The following DIAPH2 variants were observed in gnomAD, a reference collection of about 807,000 sequenced individuals.
DIAPH2 encodes diaphanous related formin 2.
Under a neutral mutation model 92.7 loss-of-function variants are expected in DIAPH2, and 35 were observed. That is an observed-to-expected ratio of 0.38 (90% CI 0.29 to 0.50). The LOEUF (loss-of-function observed/expected upper bound fraction) is 0.50, where lower values mean the gene tolerates loss of function less well. Ranked by LOEUF, DIAPH2 falls within the 20% of genes least tolerant of loss-of-function variation. The probability of loss-of-function intolerance (pLI) is 0.94; values close to 1 mark genes in which losing one functional copy is unlikely to be tolerated. For synonymous variants in DIAPH2, 301 were observed against 280.4 expected (o/e 1.07, Z -0.73); for missense variants, 701 against 819.5 (o/e 0.86, Z 1.77).
intron 25 of DIAPH2, among the ~76,000 whole-genome samples, chrX:97,417,300 A>G (rs2069957166): frequency 9.0e-6 from 1 of 110,906 alleles, no homozygotes; most frequent in Admixed American, 9.6e-5. Flanking sequence ...ACACTCCTCA[A>G]TTTGAAAAGG....
chrX:97,412,832 C>T (rs1432287798), intron 25 of DIAPH2, among the ~76,000 whole-genome samples: 1 of 112,045 alleles, frequency 8.9e-6, no homozygotes, highest in Non-Finnish European at 1.9e-5. Flanking sequence ...TGGACACATA[C>T]ACCATCCCAA....
intron 25 of DIAPH2, among the ~76,000 whole-genome samples, chrX:97,384,852 C>T (rs956614203): frequency 1.9e-5 from 2 of 108,033 alleles, no homozygotes; most frequent in Non-Finnish European, 3.8e-5. Flanking sequence ...GGCAACAGAG[C>T]GAGACTGTAT....
intron 22 of DIAPH2, among the ~76,000 whole-genome samples, chrX:97,145,936 C>T (rs189506149): frequency 9.3e-6 from 1 of 107,156 alleles, no homozygotes; most frequent in East Asian, 2.9e-4. Context: ...ATTTCACCTG[C>T]CCTGTACTCT....
chrX:97,204,272 A>G (rs1252293401), intron 22 of DIAPH2, among the ~76,000 whole-genome samples: 1 of 111,993 alleles, frequency 8.9e-6, no homozygotes. Flanking sequence ...CAAGACAAGG[A>G]TGGCCTCTCT....
intron 4 of DIAPH2, among the ~76,000 whole-genome samples, chrX:96,813,930 A>G (rs907806880): frequency 4.1e-4 from 46 of 111,716 alleles, no homozygotes; most frequent in Non-Finnish European, 7.2e-4. Context: ...TGGGTAACCC[A>G]ACCTTTCTCT....
chrX:96,873,454 G>A (rs769202961), intron 4 of DIAPH2, among the ~76,000 whole-genome samples: 1 of 109,436 alleles, frequency 9.1e-6, no homozygotes, highest in Non-Finnish European at 1.9e-5. Context: ...TGATACTTTT[G>A]AAAAAAAATG....
At chrX:96,849,358 G>T (rs922716475) in intron 4 of DIAPH2, among the ~76,000 whole-genome samples, 2 of 111,102 alleles carry the variant, frequency 1.8e-5, no homozygotes, top group Non-Finnish European at 3.8e-5. Context: ...TAGAGATGGG[G>T]TTTCGCCACG....
intron 17 of DIAPH2, among the ~76,000 whole-genome samples, chrX:97,035,595 G>A (rs1475503734): frequency 8.9e-6 from 1 of 111,906 alleles, no homozygotes; most frequent in Non-Finnish European, 1.9e-5. Flanking sequence ...AGGGAATGTG[G>A]TCATAGTGTA....
At chrX:96,840,609 T>C (rs369501069) in intron 4 of DIAPH2, among the ~76,000 whole-genome samples, 19 of 110,880 alleles carry the variant, frequency 1.7e-4, no homozygotes, top group East Asian at 5.6e-4. Context: ...TTTGGGATTT[T>C]TTTTTATTAT....
intron 5 of DIAPH2, among the ~76,000 whole-genome samples, chrX:96,904,407 C>G (rs2065419061): frequency 8.9e-6 from 1 of 111,744 alleles, no homozygotes; most frequent in African/African-American, 3.2e-5. Flanking sequence ...TTCAAATGCC[C>G]AAAGCTATTG....
chrX:96,774,314 C>T (rs2064360955), intron 4 of DIAPH2, among the ~76,000 whole-genome samples: 1 of 111,620 alleles, frequency 9.0e-6, no homozygotes, highest in Admixed American at 9.5e-5. Flanking sequence ...GGTGTTCATC[C>T]TCTCTAACAC....
intron 23 of DIAPH2, among the ~76,000 whole-genome samples, chrX:97,293,363 C>A (rs1248021510): frequency 9.4e-6 from 1 of 106,946 alleles, no homozygotes; most frequent in Non-Finnish European, 1.9e-5. Context: ...GGCCATTCTC[C>A]TGCCTCAGCC....
At chrX:97,538,781 A>G (rs1336355954) in intron 26 of DIAPH2, among the ~76,000 whole-genome samples, 1 of 112,072 alleles carries the variant, frequency 8.9e-6, no homozygotes, top group Non-Finnish European at 1.9e-5. Flanking sequence ...TCCCTCTCAA[A>G]TAAAGTCAAA....
chrX:97,318,482 C>CTTTTTTTTTTTTTTTTTTTTT (rs745350367), intron 23 of DIAPH2, among the ~76,000 whole-genome samples: 1 of 46,326 alleles, frequency 2.2e-5, no homozygotes, highest in Non-Finnish European at 4.0e-5. Flanking sequence ...TTTTTCTTTA[C>CTTTTTTTTTTTTTTTTTTTTT]TTTTTTTTTT....
At chrX:97,010,844 T>C (rs779134107) in intron 17 of DIAPH2, among the ~76,000 whole-genome samples, 1 of 112,054 alleles carries the variant, frequency 8.9e-6, no homozygotes, top group African/African-American at 3.2e-5. Flanking sequence ...TTTTTGTTTC[T>C]ACATTTTCCT....
intron 26 of DIAPH2, among the ~76,000 whole-genome samples, chrX:97,485,372 T>A (rs2070680574): frequency 9.0e-6 from 1 of 111,546 alleles, no homozygotes; most frequent in South Asian, 3.8e-4. Context: ...TAAGGATAAT[T>A]ATATTTGCCC....
chrX:97,313,729 C>T (rs1368218576), intron 23 of DIAPH2, among the ~76,000 whole-genome samples: 1 of 108,609 alleles, frequency 9.2e-6, no homozygotes, highest in Non-Finnish European at 1.9e-5. Flanking sequence ...ACATCCACCT[C>T]CCGGGTTCAA....
chrX:96,765,739 C>T (rs2064299778), intron 4 of DIAPH2, among the ~76,000 whole-genome samples: 1 of 111,272 alleles, frequency 9.0e-6, no homozygotes, highest in Admixed American at 9.6e-5. Context: ...TCAAATGGCT[C>T]CCTGTTGTCC....
At chrX:97,448,746 C>T (rs1489359861) in intron 26 of DIAPH2, among the ~76,000 whole-genome samples, 2 of 112,134 alleles carry the variant, frequency 1.8e-5, no homozygotes, top group Non-Finnish European at 3.8e-5. Context: ...GTGAATCTTA[C>T]TAATGCCAGC....
Sources: gnomAD v4.1 joint callset for allele counts (sites outside exome capture counted in the v4.1 genomes callset) on GRCh38, gnomAD v4.1.1 for gene constraint, MANE v1.5 for transcripts, NCBI Gene and HGNC (gene_info 2026-07-23, HGNC 2026-07-21) for gene names.